Variants in PKD1L3 observed in about 807,000 individuals in gnomAD.
The protein encoded by PKD1L3 is polycystin 1 like 3, transient receptor potential channel interacting, also known as polycystin-1-like protein 3.
PKD1L3 carries 239 observed loss-of-function variants against 184.1 expected under a neutral mutation model. That is an observed-to-expected ratio of 1.30 (90% CI 1.17 to 1.45). PKD1L3 has a LOEUF of 1.45. Among genes scored for constraint, PKD1L3 ranks in the 40% most tolerant of loss-of-function variants. The pLI, the probability that PKD1L3 is intolerant of heterozygous loss-of-function variation, is 0.00. For missense variants in PKD1L3, 2,660 were observed against 2,067.2 expected (o/e 1.29, Z -5.56); for synonymous variants, 996 against 778.8 (o/e 1.28, Z -4.64).
At position 71,990,682 on chromosome 16, in the gene PKD1L3, C is replaced by T. The variant is rs529073422; in HGVS notation, c.536-353G>A. ...CTGGGAGGCAGAGGTTGCAGTGAGCCGAGATTGTGCCACTGCACTCTAGCC... is the reference window on the plus strand; with the variant it reads ...CTGGGAGGCAGAGGTTGCAGTGAGCTGAGATTGTGCCACTGCACTCTAGCC... On this transcript the variant is annotated intron_variant, in intron 3 of 29. Coordinates refer to ENST00000620267, the MANE Select transcript of PKD1L3 (RefSeq NM_181536.2). Among the ~76,000 whole-genome samples, 24 of 151,992 alleles carry T rather than the reference C, an allele frequency of 1.6e-4. No homozygotes were observed. The South Asian group carries it at 1.9e-3, about 12-fold the overall frequency.
chr16:71,969,178 G>GCCAA (rs2039615147), intron 13 of PKD1L3, among the ~76,000 whole-genome samples: 1 of 151,852 alleles, frequency 6.6e-6, no homozygotes, highest in African/African-American at 2.4e-5. Flanking sequence ...TGATCCACCT[G>GCCAA]CCTCGGCCTC....
At chr16:71,941,101 G>A (rs945802020) in intron 24 of PKD1L3, among the ~76,000 whole-genome samples, 2 of 152,138 alleles carry the variant, frequency 1.3e-5, no homozygotes, top group African/African-American at 4.8e-5. Context: ...GCCTCCCAAA[G>A]TGCTGGGATT....
chr16:71,993,163 A>G (rs975940272), intron 3 of PKD1L3, 53 bp downstream of exon 3: 5 of 1,262,238 alleles, frequency 4.0e-6, no homozygotes, highest in Non-Finnish European at 4.4e-6. Flanking sequence ...GCATTCTTTT[A>G]GCAGAAATTG....
Position 71,934,018 on chromosome 16 carries a change from C to G in PKD1L3, c.4721G>C (p.Ser1574Thr), listed in dbSNP as rs117048349. Residue 1574 changes from serine (S) to threonine (T), a missense_variant, in exon 27 of 30, where the codon AGC (serine) becomes ACC (threonine). Coordinates refer to ENST00000620267, the MANE Select transcript of PKD1L3 (RefSeq NM_181536.2). ...TVQLWNLLRH[S>T]PRLRVISRTL... ...CCTGCTGATGACCCGCAGCCTGGGG[C>G]TATGACGCAGCAGGTTCCATAACTG... 2.5e-4 allele frequency: 388 copies of G among 1,551,758 alleles called. 1 individual carries two copies. The East Asian group carries it at 8.5e-3, about 34-fold the overall frequency.
chr16:71,936,724 C>A (rs2038193587), intron 25 of PKD1L3, among the ~76,000 whole-genome samples: 1 of 152,190 alleles, frequency 6.6e-6, no homozygotes, highest in Middle Eastern at 3.4e-3. Flanking sequence ...CTCAGGTAAT[C>A]CGCCTGCCTC....
At position 71,964,713 on chromosome 16, in the gene PKD1L3, C is replaced by T. The variant is rs534563918; in HGVS notation, c.2466-1362G>A. Among the ~76,000 whole-genome samples the T allele has an allele frequency of 1.1e-4, 17 of 152,124 alleles. 1 individual carries two copies. Among genetic ancestry groups the T allele is most frequent in the Admixed American group, 1.1e-3 (17 of 15,250 alleles). Reference sequence around the variant, plus strand: ...CACCCCCAAAAGCTCCCTATCCCTCCTTCCAGTCACCTCCTGCCCCCTCAT... The same window carrying T: ...CACCCCCAAAAGCTCCCTATCCCTCTTTCCAGTCACCTCCTGCCCCCTCAT... On this transcript the variant is annotated intron_variant, in intron 15 of 29. Coordinates refer to ENST00000620267, the MANE Select transcript of PKD1L3 (RefSeq NM_181536.2).
At chr16:71,990,088 A>G (rs1251265931) in intron 4 of PKD1L3, among the ~76,000 whole-genome samples, 192 bp downstream of exon 4, 1 of 45,974 alleles carries the variant, frequency 2.2e-5, no homozygotes, top group East Asian at 5.9e-4. Context: ...CTCCCACCAA[A>G]AAAAAAAAAA....
chr16:71,961,591 G>A (rs1390204292), intron 16 of PKD1L3, among the ~76,000 whole-genome samples: 1 of 152,046 alleles, frequency 6.6e-6, no homozygotes, highest in African/African-American at 2.4e-5. Context: ...GACAGCCACA[G>A]ATGAGCTCTC....
intron 1 of PKD1L3, 66 bp from the exon 2 acceptor site, chr16:71,998,460 T>C (rs1178213617): frequency 2.9e-4 from 444 of 1,506,204 alleles, no homozygotes; most frequent in Non-Finnish European, 4.2e-5. Flanking sequence ...TTATTTTTTA[T>C]TATTGTTTTT....
At chr16:71,973,664 T>G in intron 11 of PKD1L3, 147 bp from the exon 12 acceptor site, 1 of 801,468 alleles carries the variant, frequency 1.2e-6, no homozygotes. Flanking sequence ...AAATGACCAG[T>G]GATACAACCC....
At position 71,967,208 on chromosome 16, in the gene PKD1L3, G is replaced by C. The variant is rs1324885707; in HGVS notation, c.2394C>G (p.Thr798=). 2 of 1,551,698 alleles carry C rather than the reference G, an allele frequency of 1.3e-6. No individual in the cohort carries two copies. The highest frequency in any genetic ancestry group is 2.4e-5 in the South Asian group (2 of 84,062). Reference sequence around the variant, plus strand: ...GCAGGTTCCCTAGAGAGGTCCAAGTGGTGAGAAGGAAGACATCCAGGCCCC... The same window carrying C: ...GCAGGTTCCCTAGAGAGGTCCAAGTCGTGAGAAGGAAGACATCCAGGCCCC... ...ERGGLDVFLL[T]TWTSLGNLHS... is the part of the protein sequence containing the mutation. The change falls in exon 15 of 30, where the codon ACC becomes ACG. Residue 798 remains threonine, a synonymous_variant. Coordinates refer to ENST00000620267, the MANE Select transcript of PKD1L3 (RefSeq NM_181536.2).
intron 4 of PKD1L3, among the ~76,000 whole-genome samples, chr16:71,988,414 C>T (rs1426176431): frequency 1.3e-5 from 2 of 152,108 alleles, no homozygotes; most frequent in South Asian, 2.1e-4. Context: ...TGGCTGGCCT[C>T]GAAATCCTGG....
intron 24 of PKD1L3, among the ~76,000 whole-genome samples, chr16:71,938,545 C>G (rs780399626): frequency 6.6e-6 from 1 of 152,222 alleles, no homozygotes; most frequent in African/African-American, 2.4e-5. Context: ...TGGAACCTGC[C>G]AGTTTCACTA....
chr16:71,942,883 C>T lies in PKD1L3; in HGVS notation c.4001G>A (p.Trp1334Ter), dbSNP rs1248591347. 6.4e-7 allele frequency: 1 copy of T among 1,551,538 alleles called. No individual in the cohort carries two copies. The change falls in exon 24 of 30, where the codon TGG becomes TAG. Residue 1334 changes from tryptophan (W) to a stop codon, truncating the protein, a stop_gained. Coordinates refer to ENST00000620267, the MANE Select transcript of PKD1L3 (RefSeq NM_181536.2). LOFTEE classifies it high-confidence loss of function. Reference sequence around the variant, plus strand: ...GCTAGGAAGAAGGATATGATTGGCCCAGGGGTAGAAATCCTGAAGAAGTTT... The same window carrying T: ...GCTAGGAAGAAGGATATGATTGGCCTAGGGGTAGAAATCCTGAAGAAGTTT... Reference protein sequence around the residue: ...EIKLLQDFYPWANHILLPSLY... With the variant: ...EIKLLQDFYP
rs1010945586 is a variant in PKD1L3, at chr16:71,947,530, T to A, written c.3680A>T (p.Glu1227Val). The A allele has an allele frequency of 3.9e-6, 6 of 1,544,648 alleles. No individual in the cohort carries two copies. The highest frequency in any genetic ancestry group is 5.2e-6 in the Non-Finnish European group (6 of 1,142,982). ...MMSRMPRLNKENEQQTKRILA... is the reference protein window; with the variant it reads ...MMSRMPRLNKVNEQQTKRILA... ...GATCCTCTTTGTTTGTTGTTCATTCTCTTTGTTAAGCCGTGGCATCCTGCT... is the reference window on the plus strand; with the variant it reads ...GATCCTCTTTGTTTGTTGTTCATTCACTTTGTTAAGCCGTGGCATCCTGCT... The change falls in exon 22 of 30, where the codon GAG (glutamate) becomes GTG (valine). Residue 1227 changes from glutamate to valine, a missense_variant. Glu to Val is a moderately radical substitution (Grantham distance 121). Coordinates refer to ENST00000620267, the MANE Select transcript of PKD1L3 (RefSeq NM_181536.2).
At chr16:71,954,576 T>C (rs1301711034) in intron 16 of PKD1L3, among the ~76,000 whole-genome samples, 1 of 152,252 alleles carries the variant, frequency 6.6e-6, no homozygotes, top group Non-Finnish European at 1.5e-5. Context: ...TAAAAATGGT[T>C]GTTTTAGCTT....
At chr16:71,932,225 T>C (rs1250195854) in intron 28 of PKD1L3, among the ~76,000 whole-genome samples, 1 of 152,190 alleles carries the variant, frequency 6.6e-6, no homozygotes, top group Non-Finnish European at 1.5e-5. Context: ...ATGATCAAAA[T>C]CTTGCCAGTT....
At chr16:71,938,164 C>T (rs2092730618) in intron 24 of PKD1L3, among the ~76,000 whole-genome samples, 1 of 152,214 alleles carries the variant, frequency 6.6e-6, no homozygotes, top group Non-Finnish European at 1.5e-5. Context: ...CCTGCAGGTT[C>T]AGAAGTGCCT....
chr16:71,940,768 G>A (rs1318583983), intron 24 of PKD1L3, among the ~76,000 whole-genome samples: 1 of 151,878 alleles, frequency 6.6e-6, no homozygotes, highest in African/African-American at 2.4e-5. Context: ...CCAAAGTGCT[G>A]GGATTACAGG....
Sources: gnomAD v4.1 joint callset for allele counts (sites outside exome capture counted in the v4.1 genomes callset) on GRCh38, gnomAD v4.1.1 for gene constraint, MANE v1.5 for transcripts, NCBI Gene and HGNC (gene_info 2026-07-23, HGNC 2026-07-21) for gene names.